The following LRRC4C variants were observed in gnomAD, a reference collection of about 807,000 sequenced individuals.
LRRC4C encodes the protein leucine rich repeat containing 4C.
In LRRC4C, 5 loss-of-function variants were observed where a neutral mutation model predicts 33.6. That is an observed-to-expected ratio of 0.15 (90% CI 0.08 to 0.31). The LOEUF (loss-of-function observed/expected upper bound fraction) is 0.31. LRRC4C is among the 10% of genes least tolerant of loss of function. LRRC4C has a pLI of 1.00. For missense variants in LRRC4C, 560 were observed against 796.7 expected (o/e 0.70, Z 3.58); for synonymous variants, 329 against 302.0 (o/e 1.09, Z -0.93).
At chr11:40,294,090 C>T (rs1944386590) in intron 4 of LRRC4C, 1 of 152,824 alleles carries the variant, frequency 6.5e-6, no homozygotes, top group African/African-American at 2.4e-5. Context: ...CTGCAGTCGC[C>T]TTCCCTCCTC....
chr11:41,455,073 T>C (rs1336459775), intron 1 of LRRC4C, among the ~76,000 whole-genome samples: 1 of 152,168 alleles, frequency 6.6e-6, no homozygotes, highest in Non-Finnish European at 1.5e-5. Context: ...CTACAAAGCC[T>C]GTTCTCAATA....
At chr11:41,127,191 A>G (rs1296007761) in intron 1 of LRRC4C, among the ~76,000 whole-genome samples, 1 of 151,928 alleles carries the variant, frequency 6.6e-6, no homozygotes, top group East Asian at 1.9e-4. Flanking sequence ...TTCTTTATAA[A>G]TCAAATATAC....
At chr11:40,835,431 G>A (rs1952626632) in intron 2 of LRRC4C, among the ~76,000 whole-genome samples, 1 of 152,116 alleles carries the variant, frequency 6.6e-6, no homozygotes, top group African/African-American at 2.4e-5. Flanking sequence ...CTGGTCTGTG[G>A]TCCATACTCC....
chr11:40,150,006 GC>G (rs1858058992), intron 5 of LRRC4C, among the ~76,000 whole-genome samples: 1 of 152,160 alleles, frequency 6.6e-6, no homozygotes, highest in South Asian at 2.1e-4. Context: ...AAACTGAGAT[GC>G]TGCCAGGGCT....
chr11:40,891,661 A>T (rs1312796304), intron 2 of LRRC4C, among the ~76,000 whole-genome samples: 3 of 152,204 alleles, frequency 2.0e-5, no homozygotes, highest in Non-Finnish European at 4.4e-5. Flanking sequence ...TGTGCTCAAC[A>T]CCATTGATCA....
intron 1 of LRRC4C, among the ~76,000 whole-genome samples, chr11:41,188,052 G>A (rs1030431638): frequency 4.9e-5 from 5 of 101,078 alleles, no homozygotes; most frequent in Non-Finnish European, 1.1e-4. Flanking sequence ...TGAACTCAAA[G>A]AGACTGTCAA....
chr11:40,916,459 A>T (rs1449484074), intron 2 of LRRC4C, among the ~76,000 whole-genome samples: 3 of 152,100 alleles, frequency 2.0e-5, no homozygotes, highest in Admixed American at 1.3e-4. Flanking sequence ...AAAAAACCAA[A>T]CACCACATGT....
At chr11:41,402,711 G>A (rs1954071193) in intron 1 of LRRC4C, among the ~76,000 whole-genome samples, 1 of 151,928 alleles carries the variant, frequency 6.6e-6, no homozygotes, top group African/African-American at 2.4e-5. Context: ...AGGAAAAAAT[G>A]AAGAAGAACT....
intron 3 of LRRC4C, among the ~76,000 whole-genome samples, chr11:40,577,491 A>C (rs1024792806): frequency 6.6e-6 from 1 of 152,228 alleles, no homozygotes. Flanking sequence ...ATAATTGACT[A>C]TATCTGTTTT....
chr11:40,906,511 AAAAC>A (rs998943965), intron 2 of LRRC4C, among the ~76,000 whole-genome samples: 19 of 152,202 alleles, frequency 1.2e-4, no homozygotes, highest in Admixed American at 7.8e-4. Flanking sequence ...ACTCCATCTC[AAAAC>A]AAACAAACAG....
chr11:40,742,202 A>G (rs1430484827), intron 2 of LRRC4C, among the ~76,000 whole-genome samples: 1 of 152,028 alleles, frequency 6.6e-6, no homozygotes, highest in African/African-American at 2.4e-5. Flanking sequence ...GTTTTCAAAG[A>G]TGTCTTTGAG....
chr11:40,330,687 T>G (rs1399210490), intron 3 of LRRC4C, among the ~76,000 whole-genome samples: 3 of 152,000 alleles, frequency 2.0e-5, no homozygotes, highest in Non-Finnish European at 4.4e-5. Context: ...TATAAAACCA[T>G]CAGATCTCGT....
chr11:40,218,105 A>G (rs1864107185), intron 5 of LRRC4C, among the ~76,000 whole-genome samples: 1 of 152,300 alleles, frequency 6.6e-6, no homozygotes, highest in Admixed American at 6.5e-5. Flanking sequence ...AATTCAAGAT[A>G]GATCTGAATA....
At position 41,056,481 on chromosome 11, in the gene LRRC4C, T is replaced by C. The variant is rs555518739; in HGVS notation, c.-495-122758A>G. Reference sequence around the variant, plus strand: ...TTATCAACAGATTAAACAGACAACCTACAGATTGAGAGAAAATATTTGCAA... The same window carrying C: ...TTATCAACAGATTAAACAGACAACCCACAGATTGAGAGAAAATATTTGCAA... On this transcript the variant is annotated intron_variant, in intron 1 of 6. Transcript: ENST00000528697. Among the ~76,000 whole-genome samples the C allele has an allele frequency of 7.2e-5, 11 of 152,254 alleles. No homozygotes were observed. The South Asian group carries it at 2.3e-3, about 32-fold the overall frequency.
chr11:40,603,115 G>C (rs927432595), intron 3 of LRRC4C, among the ~76,000 whole-genome samples: 1 of 152,124 alleles, frequency 6.6e-6, no homozygotes, highest in African/African-American at 2.4e-5. Context: ...AAATAGGAGG[G>C]GGAGGGAATG....
At chr11:41,231,500 G>T (rs1947792351) in intron 1 of LRRC4C, among the ~76,000 whole-genome samples, 1 of 150,186 alleles carries the variant, frequency 6.7e-6, no homozygotes, top group African/African-American at 2.5e-5. Context: ...ATCATTCTCA[G>T]CAAACTATCG....
chr11:40,275,442 C>G (rs1209139616), intron 4 of LRRC4C, among the ~76,000 whole-genome samples: 1 of 152,130 alleles, frequency 6.6e-6, no homozygotes, highest in African/African-American at 2.4e-5. Flanking sequence ...CCCATCATAT[C>G]CATACTACAG....
chr11:40,745,960 A>T (rs577437761), intron 2 of LRRC4C, among the ~76,000 whole-genome samples: 1 of 152,340 alleles, frequency 6.6e-6, no homozygotes, highest in South Asian at 2.1e-4. Flanking sequence ...TGCCTCCTCC[A>T]CTAAGAAGAA....
At chr11:41,211,634 C>T (rs1006175074) in intron 1 of LRRC4C, among the ~76,000 whole-genome samples, 1 of 152,112 alleles carries the variant, frequency 6.6e-6, no homozygotes, top group Non-Finnish European at 1.5e-5. Context: ...CCAGCTTCAC[C>T]CGTGTCCCTA....
Sources: gnomAD v4.1 joint callset for allele counts (sites outside exome capture counted in the v4.1 genomes callset) on GRCh38, gnomAD v4.1.1 for gene constraint, MANE v1.5 for transcripts, NCBI Gene and HGNC (gene_info 2026-07-23, HGNC 2026-07-21) for gene names.